The following LRRC27 variants were observed in gnomAD, a reference collection of about 807,000 sequenced individuals.
LRRC27 encodes leucine-rich repeat-containing protein 27.
Under a neutral mutation model 55.0 loss-of-function variants are expected in LRRC27, and 57 were observed. The observed-to-expected ratio is 1.04, with a 90% CI of 0.84 to 1.29. The LOEUF (loss-of-function observed/expected upper bound fraction) is 1.29, where lower values mean the gene tolerates loss of function less well. Among genes scored for constraint, LRRC27 ranks in the 50% most tolerant of loss-of-function variants. The pLI is 0.00. For synonymous variants in LRRC27, 278 were observed against 251.9 expected (o/e 1.10, Z -0.98); for missense variants, 721 against 651.5 (o/e 1.11, Z -1.16).
rs555757591 is a variant in LRRC27, at chr10:132,374,914, G to A, written c.1417-152G>A. ...GCCCCATTGCAGGGGGGACCGCGCC[G>A]TGATGCGGCTTGCAGGGGCCCCGGG... On this transcript the variant is annotated intron_variant, in intron 10 of 10. Coordinates refer to ENST00000368614, the MANE Select transcript of LRRC27 (RefSeq NM_030626.3). The surrounding 1 kb of genome is among the most constrained non-coding windows in gnomAD (Gnocchi z 4.4). The A allele has an allele frequency of 5.6e-5, 43 of 772,212 alleles. No homozygotes were observed. The African/African-American group carries it at 6.1e-4, about 11-fold the overall frequency. 47.8% of individuals were successfully genotyped at this position (772,212 alleles called of 1,614,324 possible). A position where few individuals can be genotyped will look rare whatever the true frequency, so the allele number is the denominator to read the frequency against.
upstream of LRRC27, chr10:132,331,828 C>A (rs1188567619): frequency 6.5e-7 from 1 of 1,542,290 alleles, no homozygotes; most frequent in Non-Finnish European, 8.8e-7. Flanking sequence ...CCCTTCAAGG[C>A]CGCGGGCGCG....
intron 5 of LRRC27, among the ~76,000 whole-genome samples, chr10:132,346,477 C>G (rs992404558): frequency 3.9e-5 from 6 of 152,114 alleles, no homozygotes; most frequent in African/African-American, 1.2e-4. Context: ...GAGATTGAGA[C>G]CATCCTGGCT....
intron 10 of LRRC27, chr10:132,366,751 C>G (rs1434090184): frequency 5.0e-6 from 5 of 992,584 alleles, no homozygotes; most frequent in Non-Finnish European, 5.2e-6. Flanking sequence ...GCACGCAGCA[C>G]TGTCACGGGG....
rs1179738692 is a variant in LRRC27 at position 132,348,345 on chromosome 10, A to G, written c.915A>G (p.Arg305=). 1 of 1,608,516 alleles carries G rather than the reference A, an allele frequency of 6.2e-7. No homozygotes were observed. The highest frequency in any genetic ancestry group is 1.3e-5 in the African/African-American group (1 of 74,864). ...TTGAGAAAGAACTACCAAAGCCAAG[A>G]CACGTTTTCAGGTAAAACTGAAAAG... ...LNIEKELPKP[R]HVFRRKTASS... Residue 305 remains arginine, a synonymous_variant, in exon 6 of 11, where the codon AGA becomes AGG. Transcript: ENST00000368614. The surrounding 1 kb of genome is among the most constrained non-coding windows in gnomAD (Gnocchi z 4.2).
chr10:132,344,532 A>T lies in LRRC27; in HGVS notation c.435A>T (p.Arg145Ser). ...CCACGCTGAAAGCACTGAACCTAAG[A>T]CACTGCCCTCTGGAATTCCCTCCTC... ...SVTTLKALNLRHCPLEFPPQL... is the reference protein window; with the variant it reads ...SVTTLKALNLSHCPLEFPPQL... Residue 145 changes from arginine to serine, a missense_variant, in exon 5 of 11, where the codon AGA (arginine) becomes AGT (serine). Physicochemically the swap from Arg to Ser is moderately radical, Grantham distance 110. Coordinates refer to ENST00000368614, the MANE Select transcript of LRRC27 (RefSeq NM_030626.3). 1 of 1,614,174 alleles carries T rather than the reference A, an allele frequency of 6.2e-7. No homozygotes were observed. Among genetic ancestry groups the T allele is most frequent in the Non-Finnish European group, 8.5e-7 (1 of 1,180,012 alleles).
At chr10:132,334,598 C>T (rs1250066242) in intron 2 of LRRC27, among the ~76,000 whole-genome samples, 1 of 152,314 alleles carries the variant, frequency 6.6e-6, no homozygotes, top group Non-Finnish European at 1.5e-5. Context: ...TTAGTGGCTG[C>T]TTAAGTTATA....
At chr10:132,366,741 G>A in intron 10 of LRRC27, 4 of 877,152 alleles carry the variant, frequency 4.6e-6, no homozygotes, top group Non-Finnish European at 5.9e-6. Flanking sequence ...TGCCCCCAGA[G>A]CACGCAGCAC....
At chr10:132,342,498 A>AG (rs1203925707) in intron 4 of LRRC27, among the ~76,000 whole-genome samples, 5 of 152,224 alleles carry the variant, frequency 3.3e-5, no homozygotes, top group Admixed American at 3.3e-4. Flanking sequence ...AGTCACAGTG[A>AG]GGGCCATTGG....
chr10:132,333,538 G>C lies in LRRC27; in HGVS notation c.14G>C (p.Ser5Thr). Reference sequence around the variant, plus strand: ...GGAAGAGAACGGATGGAGGGAAGCAGCTCCTACGAAGTTCCCTCTGTGGCT... The same window carrying C: ...GGAAGAGAACGGATGGAGGGAAGCACCTCCTACGAAGTTCCCTCTGTGGCT... The part of the protein sequence containing the change: MEGS[S>T]SYEVPSVAAA... Residue 5 changes from serine to threonine, a missense_variant, in exon 2 of 11, where the codon AGC (serine) becomes ACC (threonine). Transcript: ENST00000368614. The C allele has an allele frequency of 6.2e-7, 1 of 1,603,876 alleles. No individual in the cohort carries two copies. The highest frequency in any genetic ancestry group is 8.5e-7 in the Non-Finnish European group (1 of 1,174,798).
At chr10:132,337,256 C>G (rs1037056473) in intron 2 of LRRC27, 1 of 1,186,690 alleles carries the variant, frequency 8.4e-7, no homozygotes, top group Non-Finnish European at 1.0e-6. Context: ...TGTGGGGCCC[C>G]GGAATTCAGA....
chr10:132,344,490 C>T lies in LRRC27; in HGVS notation c.401-8C>T, dbSNP rs1229097718. 5 of 1,599,002 alleles carry T rather than the reference C, an allele frequency of 3.1e-6. No individual in the cohort carries two copies. Among genetic ancestry groups the T allele is most frequent in the Admixed American group, 1.7e-5 (1 of 57,696 alleles). On this transcript the variant is annotated splice_region_variant and splice_polypyrimidine_tract_variant and intron_variant, in intron 4 of 10. Coordinates refer to ENST00000368614, the MANE Select transcript of LRRC27 (RefSeq NM_030626.3). ...GAATGCTGACAGTTTTTTTTTCCTC[C>T]ACTGCAGGGAGCGTAACCACGCTGA...
At chr10:132,371,247 G>T (rs557037964) in intron 10 of LRRC27, among the ~76,000 whole-genome samples, 1 of 152,268 alleles carries the variant, frequency 6.6e-6, no homozygotes, top group African/African-American at 2.4e-5. Flanking sequence ...ATGCACCCGG[G>T]AGCCTGGCCT....
chr10:132,336,549 G>A (rs2067143020), intron 2 of LRRC27, among the ~76,000 whole-genome samples: 1 of 152,234 alleles, frequency 6.6e-6, no homozygotes, highest in African/African-American at 2.4e-5. Context: ...GGAGGCATGT[G>A]GTGCTCTGTG....
rs2069394437 is a variant in LRRC27, at chr10:132,380,290, C to T, written c.*5048C>T. On this transcript the variant is annotated 3_prime_UTR_variant, in exon 11 of 11. Coordinates refer to ENST00000368614, the MANE Select transcript of LRRC27 (RefSeq NM_030626.3). ...CAGCCTGGGCAACAAGAGCAAAACT[C>T]TGTCTCAAAAAAAAAAAAATGCAGC... 8.1e-6 allele frequency among the ~76,000 whole-genome samples: 1 copy of T among 124,202 alleles called. No individual in the cohort carries two copies. The highest frequency in any genetic ancestry group is 4.3e-5 in the African/African-American group (1 of 23,386). 81.5% of individuals were successfully genotyped at this position (124,202 alleles called of 152,430 possible). A position where few individuals can be genotyped will look rare whatever the true frequency, so the allele number is the denominator to read the frequency against.
rs553630648 is a variant in LRRC27, at chr10:132,356,867, A to G, written c.1170+981A>G. On this transcript the variant is annotated intron_variant, in intron 8 of 10. Coordinates refer to ENST00000368614, the MANE Select transcript of LRRC27 (RefSeq NM_030626.3). ...CAAATGTGCTGTTGAATTTGGTCAT[A>G]GATGTTTCTTTGGTGCTTTCTTCTA... 4.1e-4 allele frequency among the ~76,000 whole-genome samples: 62 copies of G among 152,340 alleles called. No individual in the cohort carries two copies. The South Asian group carries it at 9.3e-3, about 23-fold the overall frequency.
chr10:132,341,724 C>T (rs894255454), intron 3 of LRRC27, among the ~76,000 whole-genome samples: 15 of 152,102 alleles, frequency 9.9e-5, no homozygotes, highest in East Asian at 1.9e-4. Context: ...CATTTTTGGC[C>T]GTAGAAAACT....
intron 6 of LRRC27, among the ~76,000 whole-genome samples, chr10:132,349,338 C>T (rs2067892451): frequency 6.6e-6 from 1 of 152,208 alleles, no homozygotes; most frequent in Admixed American, 6.5e-5. Flanking sequence ...GCATGAAGCG[C>T]TCATGGCCCT....
chr10:132,335,175 C>T (rs1371390647), intron 2 of LRRC27: 1 of 152,250 alleles, frequency 6.6e-6, no homozygotes, highest in African/African-American at 2.4e-5. Flanking sequence ...TAATGACGGT[C>T]TTGCAAGATT....
At chr10:132,343,249 A>G (rs2067505008) in intron 4 of LRRC27, among the ~76,000 whole-genome samples, 1 of 152,208 alleles carries the variant, frequency 6.6e-6, no homozygotes, top group Admixed American at 6.5e-5. Flanking sequence ...CAGGACTTCA[A>G]GGCTGCAGTG....
Sources: allele counts gnomAD v4.1 joint callset (sites outside exome capture counted in the v4.1 genomes callset), GRCh38; gene constraint gnomAD v4.1.1; non-coding constraint Gnocchi (gnomAD v3.1); transcripts MANE v1.5; gene names NCBI Gene and HGNC (gene_info 2026-07-23, HGNC 2026-07-21).